The following ARID5B variants were observed in gnomAD, a reference collection of about 807,000 sequenced individuals.
The protein encoded by ARID5B is AT-rich interactive domain-containing protein 5B.
A neutral mutation model predicts 97.2 loss-of-function variants in ARID5B; 13 were observed. That is an observed-to-expected ratio of 0.13 (90% CI 0.09 to 0.21). The LOEUF is 0.21. ARID5B is among the 10% of genes least tolerant of loss of function. ARID5B has a pLI of 1.00. For synonymous variants in ARID5B, 556 were observed against 570.3 expected (o/e 0.97, Z 0.36); for missense variants, 1,210 against 1,465.3 (o/e 0.83, Z 2.84).
chr10:62,057,450 A>C (rs1034381181), intron 6 of ARID5B, 132 bp downstream of exon 6: 2 of 955,764 alleles, frequency 2.1e-6, no homozygotes, highest in Non-Finnish European at 3.1e-6. Context: ...TACTAAATCC[A>C]TAAATGTTCC....
At chr10:61,989,119 C>T (rs146049611) in intron 3 of ARID5B, among the ~76,000 whole-genome samples, 108 of 151,604 alleles carry the variant, frequency 7.1e-4, no homozygotes, top group African/African-American at 2.3e-3. Flanking sequence ...TTAGTAGAGA[C>T]GGGGTTTCGC....
In ARID5B at chr10:61,977,976, G is replaced by A. The variant is rs545023401; in HGVS notation, c.503-22115G>A. On this transcript the variant is annotated intron_variant, in intron 3 of 9. Transcript: ENST00000279873. The stretch of plus-strand genomic sequence containing the variant: ...TGGTATTGCCTAGGTTTTCTTCTAG[G>A]GTTTTTATGGTTTTAGGTCTAACAT... Among the ~76,000 whole-genome samples, 381 of 152,184 alleles carry A rather than the reference G, an allele frequency of 2.5e-3. 5 individuals carry two copies. Among genetic ancestry groups the A allele is most frequent in the African/African-American group, 8.9e-3 (368 of 41,524 alleles).
At chr10:62,070,224 G>C (rs1461144785) in intron 8 of ARID5B, among the ~76,000 whole-genome samples, 1 of 152,160 alleles carries the variant, frequency 6.6e-6, no homozygotes, top group Non-Finnish European at 1.5e-5. Context: ...AATGGCCCCA[G>C]ATCAAATCTG....
chr10:61,992,889 A>G (rs1838946140), intron 3 of ARID5B, among the ~76,000 whole-genome samples: 1 of 152,302 alleles, frequency 6.6e-6, no homozygotes, highest in South Asian at 2.1e-4. Flanking sequence ...GCACCAGCTG[A>G]CTTACAGTAC....
intron 3 of ARID5B, among the ~76,000 whole-genome samples, chr10:61,999,346 A>T (rs185242226): frequency 6.6e-6 from 1 of 152,344 alleles, no homozygotes; most frequent in East Asian, 1.9e-4. Context: ...TGAAAATATC[A>T]AGTCGAAAAG....
chr10:61,901,727 C>T lies in ARID5B; in HGVS notation c.18C>T (p.Leu6=), dbSNP rs1431845628. The T allele has an allele frequency of 1.9e-6, 3 of 1,613,838 alleles. No individual in the cohort carries two copies. The highest frequency in any genetic ancestry group is 1.7e-5 in the Admixed American group (1 of 59,978). The change falls in exon 1 of 10, where the codon CTC becomes CTT. Residue 6 remains leucine, a synonymous_variant. Transcript: ENST00000279873. ...ACGTCGAGATGGAGCCCAACTCACTCCAGGTATTTCGCTCTCCTCCGCTCC... is the reference window on the plus strand; with the variant it reads ...ACGTCGAGATGGAGCCCAACTCACTTCAGGTATTTCGCTCTCCTCCGCTCC... MEPNS[L]QWVGSPCGLH...
At chr10:61,982,560 G>T (rs1163415245) in intron 3 of ARID5B, among the ~76,000 whole-genome samples, 1 of 152,204 alleles carries the variant, frequency 6.6e-6, no homozygotes, top group African/African-American at 2.4e-5. Context: ...TACAGCTAAA[G>T]AAAAGTAGTC....
chr10:62,065,573 C>A (rs1025084142), intron 7 of ARID5B, among the ~76,000 whole-genome samples: 1 of 151,988 alleles, frequency 6.6e-6, no homozygotes, highest in African/African-American at 2.4e-5. Context: ...AGGCCAGGCA[C>A]GGTGGCTCAC....
chr10:61,902,516 A>T, intron 2 of ARID5B, 103 bp downstream of exon 2: 8 of 1,471,042 alleles, frequency 5.4e-6, no homozygotes, highest in Non-Finnish European at 3.7e-6. Context: ...TTCTGCAGGC[A>T]AGCAGGATCG....
intron 4 of ARID5B, among the ~76,000 whole-genome samples, chr10:62,021,435 T>C (rs1444176822): frequency 6.6e-6 from 1 of 152,192 alleles, no homozygotes; most frequent in Non-Finnish European, 1.5e-5. Flanking sequence ...GAAAATTCTG[T>C]AAACATGTTC....
At chr10:61,934,054 T>C (rs1182884252) in intron 2 of ARID5B, among the ~76,000 whole-genome samples, 2 of 152,236 alleles carry the variant, frequency 1.3e-5, no homozygotes, top group Non-Finnish European at 2.9e-5. Flanking sequence ...CTTGCTGCAA[T>C]TTCTACATCA....
intron 3 of ARID5B, among the ~76,000 whole-genome samples, chr10:61,961,734 ATTTCTTTC>A (rs200342266): frequency 6.6e-5 from 10 of 151,730 alleles, no homozygotes; most frequent in Non-Finnish European, 1.5e-4. Flanking sequence ...ATTCTGGGCA[ATTTCTTTC>A]TTTCTTTCTT....
At chr10:62,023,457 T>C (rs1839381108) in intron 4 of ARID5B, among the ~76,000 whole-genome samples, 1 of 152,196 alleles carries the variant, frequency 6.6e-6, no homozygotes, top group Non-Finnish European at 1.5e-5. Flanking sequence ...CCTATATTTA[T>C]GCACATGTGA....
chr10:61,952,045 AG>A (rs1380834718), intron 3 of ARID5B, among the ~76,000 whole-genome samples: 6 of 152,128 alleles, frequency 3.9e-5, no homozygotes, highest in Admixed American at 3.3e-4. Context: ...ATACATTTGT[AG>A]GGGGGGATCG....
intron 2 of ARID5B, among the ~76,000 whole-genome samples, chr10:61,939,121 A>G (rs2132794358): frequency 6.6e-6 from 1 of 152,174 alleles, no homozygotes; most frequent in African/African-American, 2.4e-5. Context: ...GCTTTGAGAC[A>G]TCTTCCTGTT....
intron 3 of ARID5B, among the ~76,000 whole-genome samples, chr10:61,973,880 G>T (rs1313616578): frequency 2.6e-5 from 4 of 152,206 alleles, no homozygotes. Context: ...TTACAGTGCA[G>T]TGCGGGTTTA....
At chr10:62,034,881 A>C (rs1464823182) in intron 4 of ARID5B, among the ~76,000 whole-genome samples, 3 of 152,236 alleles carry the variant, frequency 2.0e-5, no homozygotes, top group African/African-American at 7.2e-5. Context: ...TAAAAAAGGA[A>C]TCCTCACCAG....
chr10:62,017,446 C>T (rs769325845), intron 4 of ARID5B, among the ~76,000 whole-genome samples: 2 of 149,522 alleles, frequency 1.3e-5, no homozygotes, highest in South Asian at 2.1e-4. Flanking sequence ...AGCGAGACCC[C>T]GTCTCGAAAA....
intron 3 of ARID5B, among the ~76,000 whole-genome samples, chr10:61,994,316 A>G (rs1460162380): frequency 1.3e-5 from 2 of 152,112 alleles, no homozygotes; most frequent in African/African-American, 4.8e-5. Context: ...CAGTAAGCAT[A>G]ATAGTGTGAT....
Sources: gnomAD v4.1 joint callset for allele counts (sites outside exome capture counted in the v4.1 genomes callset) on GRCh38, gnomAD v4.1.1 for gene constraint, MANE v1.5 for transcripts, NCBI Gene and HGNC (gene_info 2026-07-23, HGNC 2026-07-21) for gene names.